The following CNIH3 variants were observed in gnomAD, a reference collection of about 807,000 sequenced individuals.
CNIH3 encodes protein cornichon homolog 3.
CNIH3 carries 14 observed loss-of-function variants against 24.1 expected under a neutral mutation model. The observed-to-expected ratio is 0.58, with a 90% CI of 0.38 to 0.91. CNIH3 has a LOEUF of 0.91. Ranked by LOEUF, CNIH3 falls within the 40% of genes least tolerant of loss-of-function variation. The pLI is 0.00. For synonymous variants in CNIH3, 68 were observed against 73.8 expected, an observed-to-expected ratio of 0.92 and a Z score of 0.40; for missense variants, 178 against 196.8, an observed-to-expected ratio of 0.90 and a Z score of 0.57.
At chr1:224,463,289 T>C (rs1183248065) in intron 1 of CNIH3, among the ~76,000 whole-genome samples, 1 of 152,230 alleles carries the variant, frequency 6.6e-6, no homozygotes, top group African/African-American at 2.4e-5. Flanking sequence ...TTTCTTCATA[T>C]CCTTGCTGAC....
intron 1 of CNIH3, among the ~76,000 whole-genome samples, chr1:224,657,136 A>T (rs562746442): frequency 6.6e-6 from 1 of 152,104 alleles, no homozygotes; most frequent in Non-Finnish European, 1.5e-5. Context: ...CCAGGGTGGT[A>T]TGGCTACCTG....
At chr1:224,593,341 G>T (rs1681843241), downstream of CNIH3, among the ~76,000 whole-genome samples, 1 of 150,468 alleles carries the variant, frequency 6.6e-6, no homozygotes, top group Non-Finnish European at 1.5e-5. Flanking sequence ...TACTTCTTAG[G>T]CAAAAACATG....
chr1:224,588,392 G>A (rs2125024203), exon 6 of CNIH3: 1 of 152,320 alleles, frequency 6.6e-6, no homozygotes, highest in Middle Eastern at 3.4e-3. Flanking sequence ...TACGGCAGGA[G>A]TGTGAGATCT....
intron 1 of CNIH3, among the ~76,000 whole-genome samples, chr1:224,645,243 C>T (rs1684546566): frequency 6.6e-6 from 1 of 152,234 alleles, no homozygotes. Flanking sequence ...CTGCCCTGCT[C>T]TGCCCCCTCT....
intron 1 of CNIH3, among the ~76,000 whole-genome samples, chr1:224,640,257 C>T (rs570178227): frequency 6.6e-6 from 1 of 152,344 alleles, no homozygotes; most frequent in East Asian, 1.9e-4. Context: ...AGTGTATGCT[C>T]TTTCACCAGC....
chr1:224,620,909 T>C (rs926914883), intron 1 of CNIH3, among the ~76,000 whole-genome samples: 12 of 152,300 alleles, frequency 7.9e-5, no homozygotes, highest in African/African-American at 2.6e-4. Context: ...TGAAGTGATA[T>C]GTATTTCCAG....
intron 1 of CNIH3, among the ~76,000 whole-genome samples, chr1:224,483,721 C>CT (rs1265864376): frequency 6.6e-6 from 1 of 151,732 alleles, no homozygotes; most frequent in African/African-American, 2.4e-5. Context: ...TATGAAGGTG[C>CT]TTTTTTGTGT....
At chr1:224,574,844 C>A in intron 4 of CNIH3, 1 of 926,100 alleles carries the variant, frequency 1.1e-6, no homozygotes, top group Non-Finnish European at 1.8e-6. Context: ...TTCCCAGTAA[C>A]AGTAACATTC....
chr1:224,639,375 C>T (rs547926115), intron 1 of CNIH3, among the ~76,000 whole-genome samples: 2 of 152,340 alleles, frequency 1.3e-5, no homozygotes, highest in South Asian at 4.1e-4. Context: ...GTCTTGTGAG[C>T]CCTCTTAGGG....
chr1:224,538,666 T>TC (rs1679389585), downstream of CNIH3, among the ~76,000 whole-genome samples: 1 of 150,832 alleles, frequency 6.6e-6, no homozygotes, highest in African/African-American at 2.4e-5. Context: ...TCTCTCTCTT[T>TC]TTTTTTTTTT....
At chr1:224,735,201 C>T (rs563918202) in intron 5 of CNIH3, among the ~76,000 whole-genome samples, 4 of 152,294 alleles carry the variant, frequency 2.6e-5, no homozygotes, top group Non-Finnish European at 5.9e-5. Flanking sequence ...CATTTTGTGT[C>T]GCTAAATGCT....
intron 3 of CNIH3, among the ~76,000 whole-genome samples, chr1:224,552,951 G>A (rs1679984425): frequency 6.7e-6 from 1 of 149,992 alleles, no homozygotes; most frequent in Non-Finnish European, 1.5e-5. Flanking sequence ...ATCTCTCTTA[G>A]ATATTATGAA....
intron 3 of CNIH3, among the ~76,000 whole-genome samples, chr1:224,690,063 C>T (rs538283393): frequency 2.6e-5 from 4 of 152,068 alleles, no homozygotes; most frequent in East Asian, 1.9e-4. Context: ...GCGAGTGGTT[C>T]GAGGAAATTA....
In CNIH3 at chr1:224,535,792, C is replaced by T. The variant is rs1176933847; in HGVS notation, n.344-1144C>T. On this transcript the variant is annotated intron_variant and non_coding_transcript_variant, in intron 2 of 2. Coordinates refer to the CNIH3 transcript ENST00000470602. ...GGGTGCCATTAAATCCACCTGTAGG[C>T]GTGAAGGAGGCAGGGCAAGGGCCTA... Among the ~76,000 whole-genome samples, 3 of 152,168 alleles carry T rather than the reference C, an allele frequency of 2.0e-5. 1 individual carries two copies. The highest frequency in any genetic ancestry group is 4.1e-4 in the South Asian group (2 of 4,828).
At chr1:224,570,730 A>T (rs564580643) in intron 4 of CNIH3, among the ~76,000 whole-genome samples, 1 of 152,146 alleles carries the variant, frequency 6.6e-6, no homozygotes, top group African/African-American at 2.4e-5. Flanking sequence ...ATATTTTTGT[A>T]TAAACTATTT....
chr1:224,634,139 T>C (rs1683965537), intron 1 of CNIH3, among the ~76,000 whole-genome samples: 1 of 152,212 alleles, frequency 6.6e-6, no homozygotes, highest in Admixed American at 6.5e-5. Context: ...AAACGTCCCC[T>C]GGCCGTGGAG....
At chr1:224,528,554 T>C (rs1051450138) in intron 2 of CNIH3, among the ~76,000 whole-genome samples, 1 of 152,090 alleles carries the variant, frequency 6.6e-6, no homozygotes, top group Non-Finnish European at 1.5e-5. Context: ...AACTCCTGGC[T>C]TCAAGTGATC....
At chr1:224,453,811 GT>G (rs904800550) in intron 1 of CNIH3, among the ~76,000 whole-genome samples, 4 of 151,980 alleles carry the variant, frequency 2.6e-5, no homozygotes, top group African/African-American at 4.8e-5. Context: ...CCTTTGACAA[GT>G]TTTGAAAGAT....
rs531123591 is a variant in CNIH3 at position 224,452,598 on chromosome 1, G to A, written n.203+17736G>A. Among the ~76,000 whole-genome samples the A allele has an allele frequency of 4.6e-3, 698 of 150,428 alleles. 5 individuals are homozygous for A. The highest frequency in any genetic ancestry group is 0.013 in the African/African-American group (545 of 41,016). ...AGATTGAGACCATCCTGGCTAACAC[G>A]GTGAAACCCCGTCTCTACTAAAAAT... On this transcript the variant is annotated intron_variant and non_coding_transcript_variant, in intron 1 of 5. Transcript: ENST00000471578.
Sources: allele counts gnomAD v4.1 joint callset (sites outside exome capture counted in the v4.1 genomes callset), GRCh38; gene constraint gnomAD v4.1.1; transcripts MANE v1.5; gene names NCBI Gene and HGNC (gene_info 2026-07-23, HGNC 2026-07-21).